Variants in ROBO1 observed in about 807,000 individuals in gnomAD.
ROBO1 encodes roundabout homolog 1.
ROBO1 carries 149 observed loss-of-function variants against 195.9 expected under a neutral mutation model. That is an observed-to-expected ratio of 0.76 (90% CI 0.67 to 0.87). ROBO1 has a LOEUF of 0.87. ROBO1 is among the 40% of genes least tolerant of loss of function. The probability of loss-of-function intolerance (pLI) is 0.00; values close to 1 mark genes in which losing one functional copy is unlikely to be tolerated. For synonymous variants in ROBO1, 816 were observed against 733.2 expected (o/e 1.11, Z -1.82); for missense variants, 1,933 against 2,068.3 (o/e 0.93, Z 1.27).
chr3:78,863,530 TG>T (rs1443342533), intron 4 of ROBO1, among the ~76,000 whole-genome samples: 2 of 152,124 alleles, frequency 1.3e-5, no homozygotes, highest in Non-Finnish European at 2.9e-5. Flanking sequence ...TGCATGGGGT[TG>T]GGGAAGGTAA....
intron 3 of ROBO1, among the ~76,000 whole-genome samples, chr3:78,971,569 G>A (rs974793268): frequency 8.5e-5 from 13 of 152,176 alleles, no homozygotes; most frequent in African/African-American, 2.4e-4. Flanking sequence ...GAATAAAATG[G>A]GTAAAGTGGC....
intron 1 of ROBO1, among the ~76,000 whole-genome samples, chr3:79,658,426 A>G (rs140358629): frequency 5.0e-4 from 76 of 152,210 alleles, no homozygotes; most frequent in African/African-American, 1.6e-3. Context: ...TTTACTTCCT[A>G]TGACATTAAA....
intron 2 of ROBO1, among the ~76,000 whole-genome samples, chr3:79,211,840 C>G (rs886210241): frequency 2.0e-5 from 3 of 152,164 alleles, no homozygotes; most frequent in Non-Finnish European, 4.4e-5. Context: ...TAAAGACACA[C>G]ACACACAGAA....
chr3:79,213,234 G>C (rs966862216), intron 2 of ROBO1, among the ~76,000 whole-genome samples: 4 of 151,390 alleles, frequency 2.6e-5, no homozygotes, highest in Non-Finnish European at 5.9e-5. Flanking sequence ...GACAGAGAGA[G>C]ACTCCGTCTT....
intron 1 of ROBO1, among the ~76,000 whole-genome samples, chr3:79,748,317 ACT>A (rs368907453): frequency 3.5e-4 from 53 of 152,312 alleles, no homozygotes; most frequent in Middle Eastern, 3.4e-3. Flanking sequence ...CTTGTGAAAT[ACT>A]GTTACAAATA....
rs868647778 is a variant in ROBO1 at position 78,823,206 on chromosome 3, T to G, written c.500-76306A>C. Among the ~76,000 whole-genome samples the G allele has an allele frequency of 8.0e-3, 831 of 104,378 alleles. 7 individuals carry two copies. Among genetic ancestry groups the G allele is most frequent in the African/African-American group, 0.028 (760 of 27,288 alleles). 68.5% of individuals were successfully genotyped at this position (104,378 alleles called of 152,430 possible). ...TTAAAATGATTTTTTTTTTTTTTTT[T>G]GCCAATGCATTTTCAGCTCTTGGGA... On this transcript the variant is annotated intron_variant, in intron 4 of 30. Transcript: ENST00000464233.
At chr3:78,681,213 T>C (rs1039831801) in intron 10 of ROBO1, among the ~76,000 whole-genome samples, 4 of 151,774 alleles carry the variant, frequency 2.6e-5, no homozygotes, top group African/African-American at 9.7e-5. Flanking sequence ...GGGATAGCAT[T>C]AGGAGATATA....
chr3:78,858,291 T>C (rs1361382560), intron 4 of ROBO1, among the ~76,000 whole-genome samples: 3 of 152,100 alleles, frequency 2.0e-5, no homozygotes, highest in Non-Finnish European at 4.4e-5. Context: ...CATTCATCTC[T>C]TCAGTCATCT....
Position 79,089,433 on chromosome 3 carries a change from C to A in ROBO1, c.172+36023G>T, listed in dbSNP as rs145297762. ...TATTGATATGCCATTATTTATTTAA[C>A]TAACTTTACACTTACAGAAATTTAG... On this transcript the variant is annotated intron_variant, in intron 3 of 30. Transcript: ENST00000464233. Among the ~76,000 whole-genome samples, 1,281 of 152,240 alleles carry A rather than the reference C, an allele frequency of 8.4e-3. 19 individuals carry two copies. Among genetic ancestry groups the A allele is most frequent in the African/African-American group, 0.029 (1,211 of 41,554 alleles).
At chr3:78,654,486 T>C (rs964270792) in intron 18 of ROBO1, among the ~76,000 whole-genome samples, 1 of 152,254 alleles carries the variant, frequency 6.6e-6, no homozygotes, top group Non-Finnish European at 1.5e-5. Flanking sequence ...CTATTCTTCT[T>C]ATCCCTAATA....
At chr3:78,782,939 G>T (rs939448524) in intron 4 of ROBO1, among the ~76,000 whole-genome samples, 1 of 152,060 alleles carries the variant, frequency 6.6e-6, no homozygotes, top group Admixed American at 6.6e-5. Context: ...ACTCATTCAG[G>T]TTTTCCATAA....
intron 2 of ROBO1, among the ~76,000 whole-genome samples, chr3:79,481,967 C>T (rs1449360443): frequency 6.6e-6 from 1 of 152,040 alleles, no homozygotes; most frequent in African/African-American, 2.4e-5. Context: ...AATGTATATC[C>T]TATGCTTTTT....
intron 4 of ROBO1, among the ~76,000 whole-genome samples, chr3:78,792,263 A>G (rs1396328287): frequency 6.6e-6 from 1 of 152,248 alleles, no homozygotes; most frequent in Non-Finnish European, 1.5e-5. Context: ...TGTCATTTCT[A>G]TAAACAAGAC....
At chr3:79,380,237 T>G (rs893467224) in intron 2 of ROBO1, among the ~76,000 whole-genome samples, 2 of 152,204 alleles carry the variant, frequency 1.3e-5, no homozygotes, top group Non-Finnish European at 2.9e-5. Flanking sequence ...TTTCCTTCAA[T>G]TATAGGAAAG....
At chr3:78,813,139 C>A (rs1334997058) in intron 4 of ROBO1, among the ~76,000 whole-genome samples, 2 of 151,838 alleles carry the variant, frequency 1.3e-5, no homozygotes, top group African/African-American at 4.8e-5. Flanking sequence ...GCCATATGAT[C>A]TAATCTTTGG....
chr3:78,811,224 G>C (rs1294241541), intron 4 of ROBO1, among the ~76,000 whole-genome samples: 1 of 152,094 alleles, frequency 6.6e-6, no homozygotes, highest in African/African-American at 2.4e-5. Context: ...AAATGATTTG[G>C]ATTTCAATTT....
intron 2 of ROBO1, among the ~76,000 whole-genome samples, chr3:79,253,756 A>G (rs2082775068): frequency 6.6e-6 from 1 of 152,240 alleles, no homozygotes; most frequent in Non-Finnish European, 1.5e-5. Context: ...GAGAGAGAGT[A>G]GCGTGAGTAT....
At chr3:79,196,582 G>A (rs1008936367) in intron 2 of ROBO1, among the ~76,000 whole-genome samples, 3 of 151,718 alleles carry the variant, frequency 2.0e-5, no homozygotes, top group African/African-American at 7.3e-5. Context: ...CCCAATTTTA[G>A]TCATATTGAT....
At chr3:79,521,424 G>A (rs1421543120) in intron 2 of ROBO1, among the ~76,000 whole-genome samples, 2 of 152,144 alleles carry the variant, frequency 1.3e-5, no homozygotes, top group African/African-American at 2.4e-5. Flanking sequence ...TAACCACAAG[G>A]TGGCAGAATA....
Sources: allele counts gnomAD v4.1 joint callset (sites outside exome capture counted in the v4.1 genomes callset), GRCh38; gene constraint gnomAD v4.1.1; transcripts MANE v1.5; gene names NCBI Gene and HGNC (gene_info 2026-07-23, HGNC 2026-07-21).